The following CYP4X1 variants were observed in gnomAD, a reference collection of about 807,000 sequenced individuals.
The protein encoded by CYP4X1 is cytochrome P450 family 4 subfamily X member 1.
Under a neutral mutation model 57.9 loss-of-function variants are expected in CYP4X1, and 44 were observed. The ratio of observed to expected loss-of-function variants is 0.76; its 90% CI spans 0.60 to 0.98. CYP4X1 has a LOEUF of 0.98. Among genes scored for constraint, CYP4X1 ranks in the 50% least tolerant of loss-of-function variants. The pLI is 0.00. For missense variants in CYP4X1, 532 were observed against 623.9 expected, an observed-to-expected ratio of 0.85 and a Z score of 1.57; for synonymous variants, 227 against 228.6, an observed-to-expected ratio of 0.99 and a Z score of 0.06.
In CYP4X1 at chr1:47,049,140, A is replaced by G. The variant is rs568261477; in HGVS notation, c.1273-282A>G. On this transcript the variant is annotated intron_variant, in intron 10 of 11. Transcript: ENST00000371901. ...GCCAGTTGGAATTGAGTTGTGCTGT[A>G]AGTTTAAAATACGTGCTGGATTTTG... Among the ~76,000 whole-genome samples, 23 of 152,346 alleles carry G rather than the reference A, an allele frequency of 1.5e-4. No homozygotes were observed. The South Asian group carries it at 4.4e-3, about 29-fold the overall frequency.
intron 1 of CYP4X1, among the ~76,000 whole-genome samples, chr1:47,025,696 A>AT (rs1045156874): frequency 3.3e-5 from 5 of 151,822 alleles, no homozygotes; most frequent in Non-Finnish European, 7.4e-5. Context: ...ATTTGTCACT[A>AT]TTTTTTTCCA....
the CYP4X1 span, among the ~76,000 whole-genome samples, chr1:46,965,814 T>C: frequency 6.6e-6 from 1 of 152,220 alleles, no homozygotes; most frequent in African/African-American, 2.4e-5. Context: ...ATGTCTGAGT[T>C]GGCCAAACCA....
chr1:46,968,522 C>T, the CYP4X1 span, among the ~76,000 whole-genome samples: 1 of 152,196 alleles, frequency 6.6e-6, no homozygotes, highest in Non-Finnish European at 1.5e-5. Flanking sequence ...TCCACCACTG[C>T]CTGTAACATC....
chr1:46,985,004 T>G, the CYP4X1 span, among the ~76,000 whole-genome samples: 1 of 152,164 alleles, frequency 6.6e-6, no homozygotes, highest in East Asian at 1.9e-4. Flanking sequence ...CAACCTGGGA[T>G]GCTCAAGCTT....
At chr1:47,012,130 T>A in the CYP4X1 span, among the ~76,000 whole-genome samples, 16 of 152,202 alleles carry the variant, frequency 1.1e-4, no homozygotes, top group African/African-American at 3.9e-4. Flanking sequence ...TGTGGCACTA[T>A]TCACAATAGC....
chr1:47,023,826 C>T lies in CYP4X1; in HGVS notation c.9C>T (p.Phe3=). The part of the protein sequence containing the change: ME[F]SWLETRWARP... ...CGGCGCTGCGCAGAGCCATGGAATT[C>T]TCCTGGCTGGAGACGCGCTGGGCGC... Residue 3 remains phenylalanine (F), a synonymous_variant, in exon 1 of 12, where the codon TTC becomes TTT. Transcript: ENST00000371901. 6.2e-7 allele frequency: 1 copy of T among 1,612,930 alleles called. No homozygotes were observed. Among genetic ancestry groups the T allele is most frequent in the Non-Finnish European group, 8.5e-7 (1 of 1,179,856 alleles).
chr1:46,976,958 C>G, the CYP4X1 span, among the ~76,000 whole-genome samples: 435 of 152,210 alleles, frequency 2.9e-3, 3 homozygotes, highest in Middle Eastern at 0.01. Context: ...ACACCAAAAC[C>G]CCATCTGTAG....
chr1:46,986,327 T>G, the CYP4X1 span, among the ~76,000 whole-genome samples: 1 of 151,684 alleles, frequency 6.6e-6, no homozygotes, highest in Non-Finnish European at 1.5e-5. Flanking sequence ...GAAGACAAGA[T>G]TAGAGAAAAA....
At chr1:47,031,081 C>G (rs1329454443) in intron 2 of CYP4X1, among the ~76,000 whole-genome samples, 1 of 152,222 alleles carries the variant, frequency 6.6e-6, no homozygotes, top group Non-Finnish European at 1.5e-5. Context: ...GTCTACTGAC[C>G]TCTGCTCTGA....
chr1:47,055,095 T>C (rs538319959), downstream of CYP4X1, among the ~76,000 whole-genome samples: 19 of 152,372 alleles, frequency 1.2e-4, no homozygotes, highest in Non-Finnish European at 4.4e-5. Context: ...ATACATCCCA[T>C]CAATACCTAA....
rs1644302067 is a variant in CYP4X1, at chr1:47,046,417, A to C, written c.1074-50A>C. On this transcript the variant is annotated intron_variant, in intron 8 of 11. Coordinates refer to ENST00000371901, the MANE Select transcript of CYP4X1 (RefSeq NM_178033.2). ...CAGGAACAAACAGAAAACAGAAAAA[A>C]AGTAAACTGGTTATGATATCTGAGT... 2.5e-6 allele frequency: 4 copies of C among 1,603,292 alleles called. No homozygotes were observed. In the African/African-American group the frequency reaches 5.4e-5, roughly 21 times the overall value.
intron 8 of CYP4X1, among the ~76,000 whole-genome samples, chr1:47,044,293 A>G (rs897689904): frequency 6.6e-6 from 1 of 152,264 alleles, no homozygotes; most frequent in African/African-American, 2.4e-5. Context: ...TGAGGGTTAC[A>G]TAAAGCATAG....
the CYP4X1 span, among the ~76,000 whole-genome samples, chr1:46,976,765 A>C: frequency 1.3e-5 from 2 of 152,182 alleles, no homozygotes; most frequent in Non-Finnish European, 2.9e-5. Flanking sequence ...AGGATCAGGC[A>C]GCAATATTTG....
the CYP4X1 span, among the ~76,000 whole-genome samples, chr1:47,013,759 C>CTTT: frequency 5.0e-4 from 61 of 122,102 alleles, no homozygotes; most frequent in East Asian, 1.2e-3. Flanking sequence ...TCAATATACT[C>CTTT]TTTTTTTTTT....
intron 1 of CYP4X1, among the ~76,000 whole-genome samples, chr1:47,025,813 C>T (rs1276336652): frequency 6.6e-6 from 1 of 152,204 alleles, no homozygotes; most frequent in East Asian, 1.9e-4. Context: ...GACCTCTCCT[C>T]CTGTTCCAGT....
the CYP4X1 span, among the ~76,000 whole-genome samples, chr1:46,979,989 G>A: frequency 6.6e-6 from 1 of 152,078 alleles, no homozygotes; most frequent in African/African-American, 2.4e-5. Flanking sequence ...AAAATAATAA[G>A]AGCTATTTAT....
the CYP4X1 span, among the ~76,000 whole-genome samples, chr1:47,006,817 C>T: frequency 6.6e-5 from 10 of 152,208 alleles, no homozygotes; most frequent in South Asian, 4.1e-4. Context: ...CCTATGCTCA[C>T]GGAGCCTCGC....
chr1:46,988,853 C>G, the CYP4X1 span, among the ~76,000 whole-genome samples: 1 of 151,986 alleles, frequency 6.6e-6, no homozygotes. Flanking sequence ...AATTTGACAC[C>G]CCTTCATGCT....
At chr1:46,994,673 T>A in the CYP4X1 span, among the ~76,000 whole-genome samples, 3 of 152,248 alleles carry the variant, frequency 2.0e-5, no homozygotes, top group East Asian at 5.8e-4. Flanking sequence ...TTGTGCAGGA[T>A]CCACCTGGGG....
Sources: gnomAD v4.1 joint callset for allele counts (sites outside exome capture counted in the v4.1 genomes callset) on GRCh38, gnomAD v4.1.1 for gene constraint, MANE v1.5 for transcripts, NCBI Gene and HGNC (gene_info 2026-07-23, HGNC 2026-07-21) for gene names.